STAG1: variants seen among roughly 807,000 people sequenced by gnomAD.
STAG1 encodes cohesin subunit SA-1.
Under a neutral mutation model 170.9 loss-of-function variants are expected in STAG1, and 26 were observed. The observed-to-expected ratio is 0.15, with a 90% confidence interval of 0.11 to 0.21. STAG1 has a LOEUF of 0.21. STAG1 is among the 10% of genes least tolerant of loss of function. The pLI is 1.00. For synonymous variants in STAG1, 514 were observed against 497.7 expected, an observed-to-expected ratio of 1.03 and a Z score of -0.44; for missense variants, 964 against 1,509.5, an observed-to-expected ratio of 0.64 and a Z score of 5.99.
intron 6 of STAG1, among the ~76,000 whole-genome samples, chr3:136,527,131 T>C (rs917202435): frequency 6.6e-6 from 1 of 152,234 alleles, no homozygotes; most frequent in Admixed American, 6.5e-5. Context: ...TGAATTTGAA[T>C]GTTGGCCTGC....
rs199672026 is a variant in STAG1, at chr3:136,554,896, C to T, written c.395-12701G>A. 4.0e-5 allele frequency among the ~76,000 whole-genome samples: 6 copies of T among 150,114 alleles called. No individual in the cohort carries two copies. In the East Asian group the frequency reaches 9.7e-4, roughly 24 times the overall value. The stretch of plus-strand genomic sequence containing the variant: ...GTGAGAACCCGTCTCAAAAAATAAC[C>T]GAAAAAATAAAACAAAACAAAAGCC... On this transcript the variant is annotated intron_variant, in intron 5 of 33. Transcript: ENST00000383202.
chr3:136,378,019 G>A (rs191841778), intron 22 of STAG1, among the ~76,000 whole-genome samples: 1 of 152,170 alleles, frequency 6.6e-6, no homozygotes, highest in East Asian at 1.9e-4. Context: ...TTATAAATAT[G>A]GTTTATTTAG....
chr3:136,537,798 T>C (rs976900803), intron 6 of STAG1, among the ~76,000 whole-genome samples: 4 of 151,966 alleles, frequency 2.6e-5, no homozygotes, highest in African/African-American at 4.8e-5. Context: ...GCCTGGCCAA[T>C]AGTATCTATT....
At chr3:136,630,127 A>G (rs1390462229) in intron 2 of STAG1, among the ~76,000 whole-genome samples, 2 of 152,086 alleles carry the variant, frequency 1.3e-5, no homozygotes, top group Admixed American at 6.6e-5. Context: ...CCCGGAAGGC[A>G]GAGGTAGCAG....
intron 9 of STAG1, among the ~76,000 whole-genome samples, chr3:136,478,534 T>C (rs1003730483): frequency 3.3e-5 from 5 of 152,204 alleles, no homozygotes; most frequent in Admixed American, 6.5e-5. Context: ...CATTCACAAA[T>C]GTTAAAATTT....
intron 15 of STAG1, among the ~76,000 whole-genome samples, chr3:136,440,216 C>A (rs1230828923): frequency 1.3e-5 from 2 of 152,142 alleles, no homozygotes; most frequent in Non-Finnish European, 2.9e-5. Flanking sequence ...TGGCTTACTG[C>A]AAGCTCTGCC....
At chr3:136,339,819 G>A (rs926626612) in intron 32 of STAG1, among the ~76,000 whole-genome samples, 11 of 152,026 alleles carry the variant, frequency 7.2e-5, no homozygotes, top group African/African-American at 2.7e-4. Flanking sequence ...ATCACCTATG[G>A]TTAAGTCCAT....
rs1935935862 is a variant in STAG1, at chr3:136,542,043, A to G, written c.471+76T>C. 4 of 1,140,110 alleles carry G rather than the reference A, an allele frequency of 3.5e-6. No individual in the cohort carries two copies. The East Asian group carries it at 9.4e-5, about 27-fold the overall frequency. 70.6% of individuals were successfully genotyped at this position (1,140,110 alleles called of 1,614,324 possible). A position where few individuals can be genotyped will look rare whatever the true frequency, so the allele number is the denominator to read the frequency against. On this transcript the variant is annotated intron_variant, in intron 6 of 33. Transcript: ENST00000383202. ...GTTACACTAAACATCAAATCAAAAC[A>G]AAACCTGAGATAATCAACATATTCA...
intron 4 of STAG1, among the ~76,000 whole-genome samples, chr3:136,576,288 TCA>T (rs961753398): frequency 3.9e-5 from 6 of 152,248 alleles, no homozygotes; most frequent in African/African-American, 1.4e-4. Flanking sequence ...TTTTTCTCTC[TCA>T]CACACACATA....
At chr3:136,420,969 A>G (rs2087936773) in intron 20 of STAG1, 124 bp downstream of exon 20, 1 of 531,184 alleles carries the variant, frequency 1.9e-6, no homozygotes, top group Non-Finnish European at 3.3e-6. Flanking sequence ...TTGTACAGAC[A>G]GGGTTTCGCC....
At chr3:136,373,258 G>T (rs965953902) in intron 23 of STAG1, among the ~76,000 whole-genome samples, 20 of 151,810 alleles carry the variant, frequency 1.3e-4, no homozygotes, top group African/African-American at 4.4e-4. Context: ...TATTAGTCTT[G>T]CTAGTGGTCT....
intron 1 of STAG1, among the ~76,000 whole-genome samples, chr3:136,652,821 T>C (rs1368796345): frequency 6.6e-6 from 1 of 152,164 alleles, no homozygotes; most frequent in Admixed American, 6.5e-5. Flanking sequence ...AACCTCGGCA[T>C]TATTGACATT....
At chr3:136,612,378 G>A (rs1026464030) in intron 3 of STAG1, among the ~76,000 whole-genome samples, 1 of 151,834 alleles carries the variant, frequency 6.6e-6, no homozygotes, top group East Asian at 1.9e-4. Context: ...AGGACAAGGC[G>A]GAAGGATTGC....
intron 11 of STAG1, among the ~76,000 whole-genome samples, chr3:136,472,711 A>C (rs1240244865): frequency 3.3e-5 from 5 of 152,208 alleles, no homozygotes; most frequent in African/African-American, 1.2e-4. Context: ...CTGTTCCCTA[A>C]ACCTTGTGTC....
At chr3:136,714,965 TTTATA>T in intron 1 of STAG1, among the ~76,000 whole-genome samples, 1 of 62,294 alleles carries the variant, frequency 1.6e-5, no homozygotes, top group African/African-American at 4.8e-5. Flanking sequence ...ATATATATAT[TTTATA>T]TATATATTTT....
intron 7 of STAG1, among the ~76,000 whole-genome samples, chr3:136,505,923 T>A (rs1933735648): frequency 6.6e-6 from 1 of 152,170 alleles, no homozygotes; most frequent in Non-Finnish European, 1.5e-5. Flanking sequence ...GGGTACTCAC[T>A]ACAGAGTATA....
At chr3:136,637,809 G>GT (rs1208484789) in intron 1 of STAG1, among the ~76,000 whole-genome samples, 1 of 152,030 alleles carries the variant, frequency 6.6e-6, no homozygotes, top group Non-Finnish European at 1.5e-5. Flanking sequence ...ATAAAGGAAT[G>GT]TAAGTTTCAT....
At chr3:136,625,923 C>T (rs1331311512) in intron 2 of STAG1, among the ~76,000 whole-genome samples, 1 of 152,216 alleles carries the variant, frequency 6.6e-6, no homozygotes, top group East Asian at 1.9e-4. Flanking sequence ...CGCAGTGGCT[C>T]ATGCCTGTAA....
At chr3:136,583,638 A>C (rs1051020634) in intron 4 of STAG1, among the ~76,000 whole-genome samples, 2 of 151,952 alleles carry the variant, frequency 1.3e-5, no homozygotes, top group Non-Finnish European at 2.9e-5. Context: ...AAAATACAAA[A>C]ATTAGCCAGG....
Sources: allele counts gnomAD v4.1 joint callset (sites outside exome capture counted in the v4.1 genomes callset), GRCh38; gene constraint gnomAD v4.1.1; transcripts MANE v1.5; gene names NCBI Gene and HGNC (gene_info 2026-07-23, HGNC 2026-07-21).